The following PRH1 variants were observed in gnomAD, a reference collection of about 807,000 sequenced individuals.
PRH1 encodes the protein proline rich protein HaeIII subfamily 1, also known as salivary acidic proline-rich phosphoprotein 1/2.
A neutral mutation model predicts 7.9 loss-of-function variants in PRH1; 7 were observed. That is an observed-to-expected ratio of 0.89 (90% CI 0.50 to 1.67). The LOEUF (loss-of-function observed/expected upper bound fraction) is 1.67, where lower values mean the gene tolerates loss of function less well. PRH1 is among the 40% of genes most tolerant of loss of function. PRH1 has a pLI of 0.00. For synonymous variants in PRH1, 45 were observed against 80.8 expected (o/e 0.56, Z 2.38); for missense variants, 109 against 223.6 (o/e 0.49, Z 3.27).
intron 1 of PRH1, among the ~76,000 whole-genome samples, chr12:11,110,832 A>C: frequency 1.3e-5 from 2 of 152,336 alleles, no homozygotes; most frequent in South Asian, 4.1e-4. Flanking sequence ...AATGGGAAAA[A>C]TACCCCAATT....
At chr12:11,063,490 T>C (rs144798488) in intron 1 of PRH1, among the ~76,000 whole-genome samples, 26 of 152,162 alleles carry the variant, frequency 1.7e-4, no homozygotes, top group African/African-American at 5.1e-4. Context: ...CTCTAACTAC[T>C]ACCAAGATTC....
At chr12:10,977,934 C>T (rs192215138) in intron 1 of PRH1, among the ~76,000 whole-genome samples, 20 of 152,018 alleles carry the variant, frequency 1.3e-4, no homozygotes, top group Admixed American at 3.3e-4. Context: ...GAAAAAGATT[C>T]CGAGCTCATG....
At chr12:11,051,528 A>T (rs540715240), upstream of PRH1, among the ~76,000 whole-genome samples, 1 of 152,342 alleles carries the variant, frequency 6.6e-6, no homozygotes, top group Admixed American at 6.5e-5. Context: ...ACCATCAGGT[A>T]GGGCAAGACA....
In PRH1 at chr12:10,952,913, T is replaced by G. The variant is rs542002105; in HGVS notation, c.-59+20742A>C. Among the ~76,000 whole-genome samples, 9 of 152,004 alleles carry G rather than the reference T, an allele frequency of 5.9e-5. No individual in the cohort carries two copies. The South Asian group carries it at 1.9e-3, about 32-fold the overall frequency. ...CTTTGGCTGGTACCATCCTTCAGAG[T>G]GTTGTGGCCAGCAATTCAGGAACAC... is the stretch of plus-strand genomic sequence containing the variant. On this transcript the variant is annotated intron_variant, in intron 2 of 3. Coordinates refer to the PRH1 transcript ENST00000539853.
intron 1 of PRH1, among the ~76,000 whole-genome samples, chr12:11,105,371 TAA>T (rs1945379338): frequency 6.6e-6 from 1 of 152,134 alleles, no homozygotes; most frequent in African/African-American, 2.4e-5. Context: ...GTCTTGACCT[TAA>T]CATCTATGTG....
At chr12:10,989,545 T>G (rs1372240872) in intron 1 of PRH1, among the ~76,000 whole-genome samples, 1 of 152,198 alleles carries the variant, frequency 6.6e-6, no homozygotes, top group Admixed American at 6.5e-5. Flanking sequence ...CTAAATTCAC[T>G]TTTTGATACC....
chr12:11,092,282 G>A (rs1944946916), intron 1 of PRH1: 1 of 1,147,470 alleles, frequency 8.7e-7, no homozygotes, highest in Admixed American at 2.3e-5. Context: ...GTCCGGAATT[G>A]GTTCCTGCAG....
rs1310172752 is a variant in PRH1, at chr12:11,093,976, C to A, written n.124-46788G>T. 2.6e-5 allele frequency among the ~76,000 whole-genome samples: 3 copies of A among 114,398 alleles called. 1 individual carries two copies. The highest frequency in any genetic ancestry group is 8.9e-5 in the African/African-American group (3 of 33,878). 75.0% of individuals were successfully genotyped at this position (114,398 alleles called of 152,430 possible). A position where few individuals can be genotyped will look rare whatever the true frequency, so the allele number is the denominator to read the frequency against. Reference sequence around the variant, plus strand: ...TAAATTGGCAAAACTCTAACGTCCTCCAAGATGCAGAATTTGGCCCATCTC... The same window carrying A: ...TAAATTGGCAAAACTCTAACGTCCTACAAGATGCAGAATTTGGCCCATCTC... On this transcript the variant is annotated intron_variant and non_coding_transcript_variant, in intron 1 of 4. Transcript: ENST00000541977.
chr12:10,887,216 G>T (rs1304484111), upstream of PRH1, among the ~76,000 whole-genome samples: 1 of 152,156 alleles, frequency 6.6e-6, no homozygotes, highest in Non-Finnish European at 1.5e-5. Flanking sequence ...AAGATGGTTT[G>T]CCAGGAAAGA....
At chr12:10,989,357 A>G (rs1287981920) in intron 1 of PRH1, among the ~76,000 whole-genome samples, 1 of 151,924 alleles carries the variant, frequency 6.6e-6, no homozygotes, top group Non-Finnish European at 1.5e-5. Flanking sequence ...TCTTTAGTTG[A>G]TACATATTTG....
intron 1 of PRH1, chr12:11,133,155 G>A (rs2600357): frequency 0.5 from 547,404 of 1,088,808 alleles, 136,596 homozygotes; most frequent in Non-Finnish European, 0.54. Context: ...CTATATATAT[G>A]TACTTTTCTA....
chr12:11,143,819 C>G (rs61931269), intron 1 of PRH1, among the ~76,000 whole-genome samples: 113,411 of 152,164 alleles, frequency 0.75, 44,772 homozygotes, highest in East Asian at 0.96. Context: ...GGAGCTCCCA[C>G]GTATATAAGT....
intron 1 of PRH1, among the ~76,000 whole-genome samples, chr12:11,132,137 C>G (rs751564633): frequency 1.3e-5 from 2 of 152,146 alleles, no homozygotes; most frequent in Non-Finnish European, 2.9e-5. Context: ...TAGCTGTAAA[C>G]AAGACTGTAC....
At chr12:11,022,452 CT>C (rs1197868447) in intron 1 of PRH1, 1 of 1,614,040 alleles carries the variant, frequency 6.2e-7, no homozygotes, top group South Asian at 1.1e-5. Context: ...CTGAGGAGAT[CT>C]TTCGTGTGTT....
intron 2 of PRH1, among the ~76,000 whole-genome samples, chr12:10,934,137 T>C (rs1219301728): frequency 6.6e-6 from 1 of 152,220 alleles, no homozygotes; most frequent in Non-Finnish European, 1.5e-5. Context: ...GAATTTTTAA[T>C]GCCATTGTGA....
chr12:11,129,307 T>C (rs1946251301), intron 1 of PRH1, among the ~76,000 whole-genome samples: 1 of 152,298 alleles, frequency 6.6e-6, no homozygotes, highest in Non-Finnish European at 1.5e-5. Flanking sequence ...TATTACCTCT[T>C]CCTGAATTGA....
chr12:11,045,419 T>C (rs1178511697), intron 1 of PRH1, among the ~76,000 whole-genome samples: 2 of 151,962 alleles, frequency 1.3e-5, no homozygotes, highest in Non-Finnish European at 2.9e-5. Flanking sequence ...TTAAAATGAC[T>C]GAAAGAGTAT....
At chr12:11,031,106 C>T (rs1942187485) in intron 1 of PRH1, 3 of 1,614,286 alleles carry the variant, frequency 1.9e-6, no homozygotes, top group Non-Finnish European at 2.5e-6. Context: ...TACTTCTACA[C>T]TATAAAAAGC....
At chr12:11,091,723 C>A (rs1342636688) in intron 1 of PRH1, 1 of 1,287,552 alleles carries the variant, frequency 7.8e-7, no homozygotes, top group Admixed American at 1.9e-5. Flanking sequence ...ACATTGCACT[C>A]TTCAATTTGA....
Sources: gnomAD v4.1 joint callset for allele counts (sites outside exome capture counted in the v4.1 genomes callset) on GRCh38, gnomAD v4.1.1 for gene constraint, MANE v1.5 for transcripts, NCBI Gene and HGNC (gene_info 2026-07-23, HGNC 2026-07-21) for gene names.